ISY1: variants seen among roughly 807,000 people sequenced by gnomAD.
The protein encoded by ISY1 is ISY1 spliceosome associated protein.
Under a neutral mutation model 54.4 loss-of-function variants are expected in ISY1, and 12 were observed. The ratio of observed to expected loss-of-function variants is 0.22; its 90% CI spans 0.14 to 0.36. The LOEUF is 0.36. ISY1 is among the 10% of genes least tolerant of loss of function. The probability of loss-of-function intolerance (pLI) is 1.00; values close to 1 mark genes in which losing one functional copy is unlikely to be tolerated. For missense variants in ISY1, 282 were observed against 342.2 expected, an observed-to-expected ratio of 0.82 and a Z score of 1.39; for synonymous variants, 96 against 117.9, an observed-to-expected ratio of 0.81 and a Z score of 1.20.
At chr3:129,136,952 T>A (rs1384542083) in intron 7 of ISY1, among the ~76,000 whole-genome samples, 18 of 151,638 alleles carry the variant, frequency 1.2e-4, no homozygotes, top group Non-Finnish European at 2.4e-4. Flanking sequence ...TGGAGTGCAA[T>A]GGCGCGATCT....
intron 10 of ISY1, 23 bp from the exon 11 acceptor site, chr3:129,130,211 G>A (rs2107598050): frequency 1.3e-6 from 2 of 1,581,122 alleles, no homozygotes. Context: ...AGAGTGCAGG[G>A]CTCACTCCTC....
chr3:129,132,526 T>A (rs1217555486), intron 9 of ISY1, among the ~76,000 whole-genome samples: 1 of 152,156 alleles, frequency 6.6e-6, no homozygotes, highest in Non-Finnish European at 1.5e-5. Context: ...GAGCCCTCTC[T>A]CATCTCCTCC....
chr3:129,144,096 G>C (rs925475683), intron 6 of ISY1: 2 of 402,144 alleles, frequency 5.0e-6, no homozygotes, highest in Non-Finnish European at 1.0e-5. Flanking sequence ...GTGGATTAAT[G>C]AGCTGCTTTT....
intron 5 of ISY1, among the ~76,000 whole-genome samples, chr3:129,148,693 T>G (rs759214209): frequency 6.6e-6 from 1 of 152,182 alleles, no homozygotes; most frequent in Non-Finnish European, 1.5e-5. Flanking sequence ...GCCTCCCAAG[T>G]AGTTGGGATT....
chr3:129,154,439 CAAA>C (rs58548903), intron 5 of ISY1, among the ~76,000 whole-genome samples: 3 of 33,402 alleles, frequency 9.0e-5, no homozygotes, highest in South Asian at 2.7e-3. Flanking sequence ...GACTCCATCT[CAAA>C]AAAAAAAAAA....
chr3:129,137,870 G>A (rs1263641611), intron 7 of ISY1, among the ~76,000 whole-genome samples: 15 of 135,776 alleles, frequency 1.1e-4, no homozygotes, highest in East Asian at 2.2e-4. Flanking sequence ...TGCCGAGATC[G>A]CATCACTGCA....
intron 1 of ISY1, 69 bp downstream of exon 1, chr3:129,160,904 C>T (rs1937289428): frequency 2.0e-6 from 3 of 1,511,258 alleles, no homozygotes; most frequent in Non-Finnish European, 2.7e-6. Context: ...ATGAGCGCCC[C>T]AGGTGGACTG....
chr3:129,147,103 G>A (rs1936787100), intron 5 of ISY1, among the ~76,000 whole-genome samples: 1 of 149,994 alleles, frequency 6.7e-6, no homozygotes, highest in Non-Finnish European at 1.5e-5. Flanking sequence ...AACTGGGTGC[G>A]GTGGCTCACA....
intron 9 of ISY1, among the ~76,000 whole-genome samples, chr3:129,133,693 C>A (rs1428997176): frequency 6.6e-6 from 1 of 151,408 alleles, no homozygotes; most frequent in Non-Finnish European, 1.5e-5. Flanking sequence ...GATTCCGTTT[C>A]AAAAAAAATA....
chr3:129,145,149 G>A (rs1040275216), intron 6 of ISY1, among the ~76,000 whole-genome samples: 2 of 151,982 alleles, frequency 1.3e-5, no homozygotes, highest in African/African-American at 4.8e-5. Flanking sequence ...GTGCTCAAGG[G>A]CTTATCCTGT....
At chr3:129,135,579 T>C (rs763155987) in intron 7 of ISY1, among the ~76,000 whole-genome samples, 29 of 151,190 alleles carry the variant, frequency 1.9e-4, no homozygotes, top group Non-Finnish European at 3.1e-4. Context: ...GCGTGGCCAA[T>C]ATGGTGAAAC....
chr3:129,142,519 A>C (rs536409686), intron 6 of ISY1, among the ~76,000 whole-genome samples: 1 of 152,358 alleles, frequency 6.6e-6, no homozygotes, highest in East Asian at 1.9e-4. Context: ...AGCAAATACA[A>C]GCAAAATGTT....
In ISY1 at chr3:129,152,702, G is replaced by A. The variant is rs529318677; in HGVS notation, c.187+3931C>T. On this transcript the variant is annotated intron_variant, in intron 5 of 10. Transcript: ENST00000393295. The stretch of plus-strand genomic sequence containing the variant: ...ATTACAGGCGTGAGCCACCGCGCCC[G>A]GCCATACATTGCTAGGTTTGATATG... Among the ~76,000 whole-genome samples the A allele has an allele frequency of 1.6e-4, 24 of 151,968 alleles. No individual in the cohort carries two copies. In the East Asian group the frequency reaches 3.5e-3, roughly 22 times the overall value.
At chr3:129,144,930 A>G (rs564686108) in intron 6 of ISY1, among the ~76,000 whole-genome samples, 1 of 152,118 alleles carries the variant, frequency 6.6e-6, no homozygotes, top group African/African-American at 2.4e-5. Flanking sequence ...CTTTTTTTTG[A>G]GACAGCATCT....
At chr3:129,156,491 T>C in intron 5 of ISY1, 142 bp downstream of exon 5, 1 of 759,070 alleles carries the variant, frequency 1.3e-6, no homozygotes, top group East Asian at 2.7e-5. Context: ...TCAAACTGAC[T>C]GATCGTATTG....
chr3:129,151,617 A>C (rs1298168191), intron 5 of ISY1, among the ~76,000 whole-genome samples: 1 of 152,166 alleles, frequency 6.6e-6, no homozygotes, highest in Non-Finnish European at 1.5e-5. Context: ...TGACAGAGCG[A>C]GACTCCATCT....
intron 7 of ISY1, among the ~76,000 whole-genome samples, chr3:129,138,346 C>T (rs1936489390): frequency 6.6e-6 from 1 of 151,420 alleles, no homozygotes; most frequent in South Asian, 2.1e-4. Context: ...ACTAAAAATA[C>T]AAATTAGTAC....
chr3:129,130,810 G>A (rs543386726), intron 9 of ISY1, 174 bp from the exon 10 acceptor site: 41 of 631,062 alleles, frequency 6.5e-5, no homozygotes, highest in Non-Finnish European at 9.3e-5. Flanking sequence ...CATAGAACAC[G>A]CTGTATATTA....
At chr3:129,148,695 G>A (rs2107613252) in intron 5 of ISY1, among the ~76,000 whole-genome samples, 1 of 152,278 alleles carries the variant, frequency 6.6e-6, no homozygotes, top group South Asian at 2.1e-4. Flanking sequence ...CTCCCAAGTA[G>A]TTGGGATTAC....
Sources: gnomAD v4.1 joint callset for allele counts (sites outside exome capture counted in the v4.1 genomes callset) on GRCh38, gnomAD v4.1.1 for gene constraint, MANE v1.5 for transcripts, NCBI Gene and HGNC (gene_info 2026-07-23, HGNC 2026-07-21) for gene names.